The following ZNF570 variants were observed in gnomAD, a reference collection of about 807,000 sequenced individuals.
ZNF570 encodes the protein zinc finger protein 570.
ZNF570 carries 8 observed loss-of-function variants against 14.2 expected under a neutral mutation model. The observed-to-expected ratio is 0.56, with a 90% CI of 0.33 to 1.02. ZNF570 has a LOEUF of 1.02. Among genes scored for constraint, ZNF570 ranks in the 50% least tolerant of loss-of-function variants. The pLI, the probability that ZNF570 is intolerant of heterozygous loss-of-function variation, is 0.03. For synonymous variants in ZNF570, 202 were observed against 207.6 expected (o/e 0.97, Z 0.23); for missense variants, 559 against 624.9 (o/e 0.89, Z 1.12).
Position 37,485,283 on chromosome 19 carries a change from T to A in ZNF570, c.*50T>A. The A allele has an allele frequency of 6.8e-7, 1 of 1,471,968 alleles. No individual in the cohort carries two copies. Among genetic ancestry groups the A allele is most frequent in the Non-Finnish European group, 9.0e-7 (1 of 1,106,540 alleles). 91.2% of individuals were successfully genotyped at this position (1,471,968 alleles called of 1,614,324 possible). A position where few individuals can be genotyped will look rare whatever the true frequency, so the allele number is the denominator to read the frequency against. On this transcript the variant is annotated 3_prime_UTR_variant, in exon 5 of 5. Coordinates refer to ENST00000330173, the MANE Select transcript of ZNF570 (RefSeq NM_144694.5). ...AATTTATACTGTTTTTTATCTTTAA[T>A]GTTGTCACCTTGGTCTGATTCATCT...
chr19:37,467,905 G>C, upstream of ZNF570: 1 of 1,536,058 alleles, frequency 6.5e-7, no homozygotes, highest in Admixed American at 2.0e-5. Context: ...GCATGTATTT[G>C]TTCTTTCTGG....
At chr19:37,472,229 G>T (rs2041974016) in intron 2 of ZNF570, among the ~76,000 whole-genome samples, 1 of 151,988 alleles carries the variant, frequency 6.6e-6, no homozygotes, top group South Asian at 2.1e-4. Context: ...TATCACCACT[G>T]CTTCCATTAT....
At chr19:37,474,624 T>C (rs769270335) in intron 2 of ZNF570, among the ~76,000 whole-genome samples, 1 of 152,034 alleles carries the variant, frequency 6.6e-6, no homozygotes, top group Non-Finnish European at 1.5e-5. Context: ...TATGCCCAGC[T>C]AATTTTTGTA....
At chr19:37,480,478 C>G (rs1229124548) in intron 4 of ZNF570, among the ~76,000 whole-genome samples, 1 of 151,972 alleles carries the variant, frequency 6.6e-6, no homozygotes, top group Non-Finnish European at 1.5e-5. Flanking sequence ...GAGCAAAACT[C>G]CATCTCAAAA....
At chr19:37,470,266 G>T in intron 1 of ZNF570, 38 bp from the exon 2 acceptor site, 1 of 1,595,852 alleles carries the variant, frequency 6.3e-7, no homozygotes, top group South Asian at 1.1e-5. Flanking sequence ...GATGCTGCAA[G>T]AAAAGTCTAG....
At chr19:37,471,937 T>C (rs888360504) in intron 2 of ZNF570, among the ~76,000 whole-genome samples, 10 of 144,736 alleles carry the variant, frequency 6.9e-5, no homozygotes, top group Non-Finnish European at 3.0e-5. Flanking sequence ...TTTTTTGAGA[T>C]GGAGTCTCAC....
At chr19:37,468,119 T>C (rs2041882456), upstream of ZNF570, 2 of 627,720 alleles carry the variant, frequency 3.2e-6, no homozygotes, top group Admixed American at 5.8e-5. Flanking sequence ...GAGCCTCACT[T>C]TGTTGCCCAG....
At chr19:37,475,797 T>C (rs976796143) in intron 2 of ZNF570, 84 bp from the exon 3 acceptor site, 32 of 1,346,426 alleles carry the variant, frequency 2.4e-5, no homozygotes, top group Non-Finnish European at 2.9e-5. Context: ...GGATGTAATA[T>C]CAGAGAGAGC....
chr19:37,483,738 G>T, intron 4 of ZNF570, 141 bp from the exon 5 acceptor site: 2 of 764,424 alleles, frequency 2.6e-6, no homozygotes, highest in Non-Finnish European at 4.0e-6. Flanking sequence ...TTCTCTTCTT[G>T]TACACTTCAG....
rs745766495 is a variant in ZNF570 at position 37,470,353 on chromosome 19, G to A, written c.-2G>A. On this transcript the variant is annotated 5_prime_UTR_variant, in exon 2 of 5. Coordinates refer to ENST00000330173, the MANE Select transcript of ZNF570 (RefSeq NM_144694.5). ...CAAGAGAAGAGCCAGGAGGAAGAAAGAATGGCTGTTGGGCTTCTTAAAGCC... is the reference window on the plus strand; with the variant it reads ...CAAGAGAAGAGCCAGGAGGAAGAAAAAATGGCTGTTGGGCTTCTTAAAGCC... 6.2e-7 allele frequency: 1 copy of A among 1,614,036 alleles called. No individual in the cohort carries two copies. Among genetic ancestry groups the A allele is most frequent in the Admixed American group, 1.7e-5 (1 of 60,006 alleles).
chr19:37,469,283 G>A, upstream of ZNF570: 1 of 1,412,476 alleles, frequency 7.1e-7, no homozygotes, highest in East Asian at 2.6e-5. Flanking sequence ...TCCGGACTAC[G>A]TTTCCCAGCG....
At chr19:37,472,996 G>A (rs1436996678) in intron 2 of ZNF570, among the ~76,000 whole-genome samples, 2 of 152,188 alleles carry the variant, frequency 1.3e-5, no homozygotes, top group African/African-American at 2.4e-5. Flanking sequence ...ATGTTAGGGT[G>A]TACAAGCACA....
intron 2 of ZNF570, among the ~76,000 whole-genome samples, chr19:37,475,003 G>A (rs1370608371): frequency 6.1e-5 from 9 of 146,630 alleles, no homozygotes; most frequent in African/African-American, 2.3e-4. Context: ...TCGCCCTGCC[G>A]CCCAGGCTGG....
intron 4 of ZNF570, among the ~76,000 whole-genome samples, chr19:37,483,200 C>G (rs955353567): frequency 6.6e-6 from 1 of 152,122 alleles, no homozygotes; most frequent in African/African-American, 2.4e-5. Flanking sequence ...AGTAAACATG[C>G]TTCTAGTTTT....
chr19:37,475,734 T>G, intron 2 of ZNF570, 147 bp from the exon 3 acceptor site: 10 of 648,230 alleles, frequency 1.5e-5, no homozygotes, highest in Non-Finnish European at 2.2e-5. Context: ...TGGAATAATC[T>G]GAGATATACA....
At chr19:37,480,216 T>C (rs1486262344) in intron 4 of ZNF570, among the ~76,000 whole-genome samples, 1 of 152,232 alleles carries the variant, frequency 6.6e-6, no homozygotes, top group African/African-American at 2.4e-5. Flanking sequence ...CCAGGCACGG[T>C]GGCTCACGCC....
rs539746597 is a variant in ZNF570 at position 37,481,776 on chromosome 19, A to C, written c.257-2103A>C. On this transcript the variant is annotated intron_variant, in intron 4 of 4. Coordinates refer to ENST00000330173, the MANE Select transcript of ZNF570 (RefSeq NM_144694.5). ...AAAACTCCAGTTACATGTGCCTAAGACCAGACTCACCAGGGATAAATTGAT... is the reference window on the plus strand; with the variant it reads ...AAAACTCCAGTTACATGTGCCTAAGCCCAGACTCACCAGGGATAAATTGAT... Among the ~76,000 whole-genome samples, 3 of 152,292 alleles carry C rather than the reference A, an allele frequency of 2.0e-5. No individual in the cohort carries two copies. In the South Asian group the frequency reaches 6.2e-4, roughly 32 times the overall value.
At position 37,484,627 on chromosome 19, in the gene ZNF570, T is replaced by C. The variant is rs1452286655; in HGVS notation, c.1005T>C (p.Cys335=). ...TGEKPYECIE[C]GKAFSNRSSI... ...AGAAACCCTATGAATGTATCGAATG[T>C]GGGAAAGCATTTAGCAACAGATCAT... Residue 335 remains cysteine, a synonymous_variant, in exon 5 of 5, where the codon TGT becomes TGC. Transcript: ENST00000330173. 1 of 1,613,750 alleles carries C rather than the reference T, an allele frequency of 6.2e-7. No homozygotes were observed. Among genetic ancestry groups the C allele is most frequent in the Non-Finnish European group, 8.5e-7 (1 of 1,179,896 alleles).
In ZNF570 at chr19:37,475,640, G is replaced by T. The variant is rs1600380447; in HGVS notation, c.34-241G>T. On this transcript the variant is annotated intron_variant, in intron 2 of 4. Coordinates refer to ENST00000330173, the MANE Select transcript of ZNF570 (RefSeq NM_144694.5). ...TTGAGGAGGGTGAAGAACAGGCAAT[G>T]AATAAAATAATTAAGTGCAGTGGAG... 2.0e-5 allele frequency among the ~76,000 whole-genome samples: 3 copies of T among 152,186 alleles called. No homozygotes were observed. The Middle Eastern group carries it at 0.01, about 518-fold the overall frequency.
Sources: gnomAD v4.1 joint callset for allele counts (sites outside exome capture counted in the v4.1 genomes callset) on GRCh38, gnomAD v4.1.1 for gene constraint, MANE v1.5 for transcripts, NCBI Gene and HGNC (gene_info 2026-07-23, HGNC 2026-07-21) for gene names.